Variants in CSRNP3 observed in about 807,000 individuals in gnomAD.
CSRNP3 encodes cysteine/serine-rich nuclear protein 3.
Under a neutral mutation model 48.0 loss-of-function variants are expected in CSRNP3, and 12 were observed. That is an observed-to-expected ratio of 0.25 (90% CI 0.16 to 0.41). The LOEUF (loss-of-function observed/expected upper bound fraction) is 0.41, where lower values mean the gene tolerates loss of function less well. Ranked by LOEUF, CSRNP3 falls within the 10% of genes least tolerant of loss-of-function variation. The pLI, the probability that CSRNP3 is intolerant of heterozygous loss-of-function variation, is 1.00. For synonymous variants in CSRNP3, 263 were observed against 269.7 expected, an observed-to-expected ratio of 0.98 and a Z score of 0.24; for missense variants, 580 against 724.4, an observed-to-expected ratio of 0.80 and a Z score of 2.29.
intron 4 of CSRNP3, among the ~76,000 whole-genome samples, chr2:165,607,987 T>C (rs184371998): frequency 5.9e-5 from 9 of 151,614 alleles, no homozygotes; most frequent in Admixed American, 5.3e-4. Flanking sequence ...CAATAGTCCC[T>C]TCTGCTTGAG....
chr2:165,508,505 C>G (rs561067119), intron 2 of CSRNP3, among the ~76,000 whole-genome samples: 1 of 152,110 alleles, frequency 6.6e-6, no homozygotes, highest in Non-Finnish European at 1.5e-5. Flanking sequence ...TCTCCATCTT[C>G]TTCCCCTCTG....
At chr2:165,519,330 T>A (rs939025127) in intron 3 of CSRNP3, among the ~76,000 whole-genome samples, 3 of 152,036 alleles carry the variant, frequency 2.0e-5, no homozygotes, top group African/African-American at 7.2e-5. Context: ...GAGAATTAAA[T>A]CGTCTCCCCA....
chr2:165,507,436 G>T (rs1684441838), intron 2 of CSRNP3, among the ~76,000 whole-genome samples: 1 of 152,030 alleles, frequency 6.6e-6, no homozygotes, highest in South Asian at 2.1e-4. Flanking sequence ...TGAATCTGCA[G>T]TTCTCTAATT....
intron 3 of CSRNP3, among the ~76,000 whole-genome samples, chr2:165,567,904 A>G (rs115552293): frequency 1.3e-5 from 2 of 152,202 alleles, no homozygotes; most frequent in Non-Finnish European, 2.9e-5. Flanking sequence ...AATGCTGGAA[A>G]GTTTAACCAA....
chr2:165,667,098 AAAAGG>A (rs1687245786), intron 5 of CSRNP3, among the ~76,000 whole-genome samples: 1 of 12,078 alleles, frequency 8.3e-5, no homozygotes. Flanking sequence ...AGAGAGAGAG[AAAAGG>A]AAGGAAGGAA....
intron 3 of CSRNP3, chr2:165,574,399 G>A (rs773524878): frequency 6.1e-5 from 95 of 1,550,004 alleles, no homozygotes; most frequent in Non-Finnish European, 7.8e-5. Context: ...ATTTTACAGC[G>A]TGTGTGCCGT....
At chr2:165,577,041 T>A (rs1685461983) in intron 3 of CSRNP3, among the ~76,000 whole-genome samples, 1 of 151,916 alleles carries the variant, frequency 6.6e-6, no homozygotes, top group Non-Finnish European at 1.5e-5. Context: ...TGGAACATAG[T>A]CTAAAATCTA....
At chr2:165,632,511 T>TA (rs796985015) in intron 4 of CSRNP3, among the ~76,000 whole-genome samples, 4 of 152,030 alleles carry the variant, frequency 2.6e-5, no homozygotes, top group Non-Finnish European at 2.9e-5. Context: ...CCTGTCTCTT[T>TA]AAAAAAAATA....
chr2:165,594,442 A>G (rs574122388), intron 3 of CSRNP3, among the ~76,000 whole-genome samples: 8 of 152,312 alleles, frequency 5.3e-5, no homozygotes, highest in African/African-American at 1.7e-4. Flanking sequence ...AGGCCTTTCA[A>G]TTCAATTATT....
chr2:165,625,941 G>C (rs1416122198), intron 4 of CSRNP3, among the ~76,000 whole-genome samples: 1 of 144,770 alleles, frequency 6.9e-6, no homozygotes, highest in East Asian at 2.1e-4. Context: ...AGAAAAAAAT[G>C]ACTGGGCACA....
At position 165,658,023 on chromosome 2, in the gene CSRNP3, A is replaced by G. The variant is rs903342988; in HGVS notation, c.408+3A>G. ...AGCTGAACTCCTTAAAACTAAAGGT[A>G]AAAAACAAACTCATTTTCTGCAAAG... On this transcript the variant is annotated splice_donor_region_variant and intron_variant, in intron 5 of 6. Coordinates refer to ENST00000651982, the MANE Select transcript of CSRNP3 (RefSeq NM_001172173.2). The G allele has an allele frequency of 2.5e-6, 4 of 1,604,148 alleles. No individual in the cohort carries two copies. Among genetic ancestry groups the G allele is most frequent in the Admixed American group, 1.7e-5 (1 of 59,500 alleles).
At chr2:165,604,296 C>G (rs897617423) in intron 4 of CSRNP3, among the ~76,000 whole-genome samples, 1 of 152,172 alleles carries the variant, frequency 6.6e-6, no homozygotes, top group Non-Finnish European at 1.5e-5. Context: ...GTGTATACTT[C>G]TTGCTACCTG....
intron 1 of CSRNP3, among the ~76,000 whole-genome samples, chr2:165,491,946 A>T (rs1413406191): frequency 7.1e-6 from 1 of 141,030 alleles, no homozygotes; most frequent in East Asian, 2.2e-4. Context: ...AACTTAAAGT[A>T]TAATAAAAAA....
chr2:165,535,711 G>A (rs1315582768), intron 3 of CSRNP3, among the ~76,000 whole-genome samples: 1 of 151,580 alleles, frequency 6.6e-6, no homozygotes, highest in Non-Finnish European at 1.5e-5. Flanking sequence ...AATGAAGAGG[G>A]GAACACAGTC....
intron 3 of CSRNP3, among the ~76,000 whole-genome samples, chr2:165,561,837 T>C (rs1284430932): frequency 6.6e-6 from 1 of 152,158 alleles, no homozygotes; most frequent in South Asian, 2.1e-4. Flanking sequence ...TAGGTTTAAC[T>C]GGGATGGGCA....
chr2:165,609,609 T>G (rs1686102243), intron 4 of CSRNP3, among the ~76,000 whole-genome samples: 1 of 151,920 alleles, frequency 6.6e-6, no homozygotes, highest in Admixed American at 6.6e-5. Flanking sequence ...ATGCCTTACA[T>G]TTTACTTTAC....
At chr2:165,476,516 A>T (rs1323742102) in intron 1 of CSRNP3, among the ~76,000 whole-genome samples, 1 of 152,258 alleles carries the variant, frequency 6.6e-6, no homozygotes, top group African/African-American at 2.4e-5. Context: ...ATGGAGCTAT[A>T]CTGTGGTATA....
At chr2:165,508,755 A>G (rs1478124852) in intron 2 of CSRNP3, among the ~76,000 whole-genome samples, 1 of 152,154 alleles carries the variant, frequency 6.6e-6, no homozygotes, top group African/African-American at 2.4e-5. Context: ...AAATTCCCCA[A>G]GTTATTTGTC....
At chr2:165,676,806 A>T (rs1023579940) in intron 6 of CSRNP3, among the ~76,000 whole-genome samples, 198 bp downstream of exon 6, 2 of 152,250 alleles carry the variant, frequency 1.3e-5, no homozygotes, top group African/African-American at 4.8e-5. Context: ...GGAATACATA[A>T]AATGCTTATA....
Sources: gnomAD v4.1 joint callset for allele counts (sites outside exome capture counted in the v4.1 genomes callset) on GRCh38, gnomAD v4.1.1 for gene constraint, MANE v1.5 for transcripts, NCBI Gene and HGNC (gene_info 2026-07-23, HGNC 2026-07-21) for gene names.